POU6F2: variants seen among roughly 807,000 people sequenced by gnomAD.
POU6F2 encodes POU class 6 homeobox 2.
In POU6F2, 31 loss-of-function variants were observed where a neutral mutation model predicts 71.3. That is an observed-to-expected ratio of 0.43 (90% CI 0.33 to 0.59). The LOEUF (loss-of-function observed/expected upper bound fraction) is 0.59, where lower values mean the gene tolerates loss of function less well. Ranked by LOEUF, POU6F2 falls within the 20% of genes least tolerant of loss-of-function variation. The pLI, the probability that POU6F2 is intolerant of heterozygous loss-of-function variation, is 0.04. For synonymous variants in POU6F2, 347 were observed against 355.7 expected (o/e 0.98, Z 0.27); for missense variants, 783 against 856.8 (o/e 0.91, Z 1.07).
Position 39,074,475 on chromosome 7 carries a change from TC to T in POU6F2, c.106-11378del, listed in dbSNP as rs201494494. Among the ~76,000 whole-genome samples, 663 of 150,396 alleles carry T rather than the reference TC, an allele frequency of 4.4e-3. 3 individuals are homozygous for T. Among genetic ancestry groups the T allele is most frequent in the African/African-American group, 0.015 (632 of 41,036 alleles). On this transcript the variant is annotated intron_variant, in intron 1 of 9. Coordinates refer to ENST00000518318, the MANE Select transcript of POU6F2 (RefSeq NM_001370959.1). ...AGCCTGGACGACAGAGTGAGACTTG[TC>T]CCCCCCTCAAAAAAAAAAATCTAAA... is the stretch of plus-strand genomic sequence containing the variant.
chr7:39,215,547 G>C (rs1169402154), intron 4 of POU6F2, among the ~76,000 whole-genome samples: 1 of 152,074 alleles, frequency 6.6e-6, no homozygotes. Context: ...TTCTATTAAG[G>C]CAACATTTAT....
intron 5 of POU6F2, among the ~76,000 whole-genome samples, chr7:39,360,640 T>C (rs971429508): frequency 1.3e-5 from 2 of 152,196 alleles, no homozygotes; most frequent in Non-Finnish European, 2.9e-5. Flanking sequence ...TACAATAAAG[T>C]GAAAGCAAGT....
chr7:39,140,551 A>G (rs1792475485), intron 2 of POU6F2, among the ~76,000 whole-genome samples: 1 of 152,152 alleles, frequency 6.6e-6, no homozygotes, highest in Non-Finnish European at 1.5e-5. Context: ...GCTTGTGGCC[A>G]CATCATCCCA....
At chr7:39,434,722 T>G (rs1443016787) in intron 7 of POU6F2, among the ~76,000 whole-genome samples, 1 of 151,926 alleles carries the variant, frequency 6.6e-6, no homozygotes, top group Non-Finnish European at 1.5e-5. Context: ...GTTTGTTACA[T>G]AGGTATATGT....
At chr7:38,990,381 A>C (rs1398166044) in intron 1 of POU6F2, among the ~76,000 whole-genome samples, 1 of 152,120 alleles carries the variant, frequency 6.6e-6, no homozygotes, top group African/African-American at 2.4e-5. Context: ...AGTGGGGCTG[A>C]AAAAGAGAAC....
chr7:39,354,082 A>G (rs1381327754), intron 5 of POU6F2, among the ~76,000 whole-genome samples: 1 of 151,982 alleles, frequency 6.6e-6, no homozygotes, highest in Non-Finnish European at 1.5e-5. Context: ...GCTTGCTCTG[A>G]CCTCCCTGCT....
intron 4 of POU6F2, among the ~76,000 whole-genome samples, chr7:39,223,731 G>A (rs1197884862): frequency 1.3e-5 from 2 of 152,140 alleles, no homozygotes; most frequent in African/African-American, 4.8e-5. Flanking sequence ...TGCTTTGAAT[G>A]TCAAGAACGT....
intron 7 of POU6F2, among the ~76,000 whole-genome samples, chr7:39,437,283 C>T (rs952342251): frequency 8.5e-5 from 13 of 152,154 alleles, no homozygotes; most frequent in African/African-American, 2.7e-4. Flanking sequence ...CTATTAATTA[C>T]TGCCTCAATT....
intron 4 of POU6F2, among the ~76,000 whole-genome samples, chr7:39,336,030 G>T (rs1252553978): frequency 6.6e-6 from 1 of 152,246 alleles, no homozygotes; most frequent in African/African-American, 2.4e-5. Context: ...CAAAGGAGAA[G>T]TATGCTCTTG....
chr7:39,053,528 AGAGT>A (rs887870437), intron 1 of POU6F2, among the ~76,000 whole-genome samples: 21 of 152,254 alleles, frequency 1.4e-4, no homozygotes, highest in Non-Finnish European at 2.2e-4. Flanking sequence ...CCTGAGGTAA[AGAGT>A]GAGTTACTTA....
At position 39,267,302 on chromosome 7, in the gene POU6F2, A is replaced by T. The variant is rs371436931; in HGVS notation, c.598+59682A>T. On this transcript the variant is annotated intron_variant, in intron 4 of 9. Transcript: ENST00000518318. The stretch of plus-strand genomic sequence containing the variant: ...CTTGGATTCTCTGCTCTTCAGATAT[A>T]CAAGTGTCATTTTCTGTAGTTTTCT... Among the ~76,000 whole-genome samples the T allele has an allele frequency of 9.2e-5, 14 of 152,318 alleles. No individual in the cohort carries two copies. The East Asian group carries it at 1.4e-3, about 15-fold the overall frequency.
In POU6F2 at chr7:39,343,506, TAAG is replaced by T. The variant is rs374793048; in HGVS notation, c.972+3497_972+3499del. Among the ~76,000 whole-genome samples the T allele has an allele frequency of 3.3e-5, 5 of 152,268 alleles. No individual in the cohort carries two copies. In the East Asian group the frequency reaches 7.7e-4, roughly 24 times the overall value. ...ATAAAAGCCTCCTTTCTATGACCTT[TAAG>T]AAGAATTTTCTTGAAAAGAAAACTC... is the stretch of plus-strand genomic sequence containing the variant. On this transcript the variant is annotated intron_variant, in intron 5 of 9. Coordinates refer to ENST00000518318, the MANE Select transcript of POU6F2 (RefSeq NM_001370959.1).
At chr7:39,428,822 G>A (rs754025208) in intron 6 of POU6F2, among the ~76,000 whole-genome samples, 55 of 151,900 alleles carry the variant, frequency 3.6e-4, no homozygotes, top group Non-Finnish European at 6.3e-4. Context: ...GTAGGGATGT[G>A]GATGAAGCTG....
At chr7:39,189,369 TG>T (rs1391683871) in intron 2 of POU6F2, among the ~76,000 whole-genome samples, 2 of 71,336 alleles carry the variant, frequency 2.8e-5, no homozygotes, top group African/African-American at 7.4e-5. Context: ...TGGTATTTTT[TG>T]TTTGTGTGTT....
intron 4 of POU6F2, among the ~76,000 whole-genome samples, chr7:39,244,200 C>T (rs958437796): frequency 6.6e-6 from 1 of 152,140 alleles, no homozygotes; most frequent in Non-Finnish European, 1.5e-5. Context: ...ATTTCAAGTA[C>T]TGTCATTAAC....
At chr7:39,019,620 T>G (rs1789634086) in intron 1 of POU6F2, among the ~76,000 whole-genome samples, 2 of 151,782 alleles carry the variant, frequency 1.3e-5, no homozygotes, top group Non-Finnish European at 2.9e-5. Context: ...TTGATTGTGC[T>G]GAAATCTTTT....
In POU6F2 at chr7:39,085,880, A is replaced by G. The variant is rs1454525245; in HGVS notation, c.126A>G (p.Gln42=). The change falls in exon 2 of 10, where the codon CAA becomes CAG. Residue 42 remains glutamine, a synonymous_variant. Coordinates refer to ENST00000518318, the MANE Select transcript of POU6F2 (RefSeq NM_001370959.1). The stretch of plus-strand genomic sequence containing the variant: ...CCTAGGATCCAATGATAGCTGGACA[A>G]GTCAGTAAGCCCTTGCTGTCAGTGC... ...VIGQDPMIAG[Q]VSKPLLSVRS... 6 of 1,613,454 alleles carry G rather than the reference A, an allele frequency of 3.7e-6. No homozygotes were observed. The highest frequency in any genetic ancestry group is 5.1e-6 in the Non-Finnish European group (6 of 1,179,768).
chr7:39,417,348 G>C (rs1470765758), intron 6 of POU6F2, among the ~76,000 whole-genome samples: 1 of 152,140 alleles, frequency 6.6e-6, no homozygotes, highest in Non-Finnish European at 1.5e-5. Context: ...AAATAAATCA[G>C]AGTTAGGTAG....
At chr7:39,418,231 A>G (rs1203419708) in intron 6 of POU6F2, among the ~76,000 whole-genome samples, 3 of 152,374 alleles carry the variant, frequency 2.0e-5, no homozygotes, top group Non-Finnish European at 4.4e-5. Context: ...CTGGCACATA[A>G]AGACCATAAA....
Sources: gnomAD v4.1 joint callset for allele counts (sites outside exome capture counted in the v4.1 genomes callset) on GRCh38, gnomAD v4.1.1 for gene constraint, MANE v1.5 for transcripts, NCBI Gene and HGNC (gene_info 2026-07-23, HGNC 2026-07-21) for gene names.